CLIP1: variants seen among roughly 807,000 people sequenced by gnomAD.
CLIP1 encodes CAP-Gly domain containing linker protein 1.
CLIP1 carries 66 observed loss-of-function variants against 161.6 expected under a neutral mutation model. The ratio of observed to expected loss-of-function variants is 0.41; its 90% confidence interval spans 0.33 to 0.50. The LOEUF is 0.50. Ranked by LOEUF, CLIP1 falls within the 20% of genes least tolerant of loss-of-function variation. The pLI is 0.27. For synonymous variants in CLIP1, 598 were observed against 626.2 expected (o/e 0.96, Z 0.67); for missense variants, 1,376 against 1,702.0 (o/e 0.81, Z 3.37).
intron 17 of CLIP1, among the ~76,000 whole-genome samples, chr12:122,324,844 T>C (rs1470678038): frequency 6.6e-6 from 1 of 152,144 alleles, no homozygotes; most frequent in Non-Finnish European, 1.5e-5. Context: ...AACTACTGCC[T>C]TCCAAACTCA....
chr12:122,385,213 G>A (rs528701927), intron 1 of CLIP1, among the ~76,000 whole-genome samples: 5 of 152,216 alleles, frequency 3.3e-5, no homozygotes, highest in East Asian at 3.9e-4. Flanking sequence ...TTACAGGCGT[G>A]AGACACCGCA....
chr12:122,286,773 C>T (rs974552794), intron 21 of CLIP1, among the ~76,000 whole-genome samples: 5 of 151,464 alleles, frequency 3.3e-5, no homozygotes, highest in East Asian at 3.9e-4. Context: ...CTGAGGCAGG[C>T]GGATCACGAC....
chr12:122,368,025 A>G (rs182076706), intron 3 of CLIP1, among the ~76,000 whole-genome samples: 4 of 152,222 alleles, frequency 2.6e-5, no homozygotes, highest in African/African-American at 9.6e-5. Context: ...GCAAACACAA[A>G]CAAGCCCAAT....
At chr12:122,333,491 G>A (rs1201134231) in intron 14 of CLIP1, among the ~76,000 whole-genome samples, 5 of 152,156 alleles carry the variant, frequency 3.3e-5, no homozygotes, top group African/African-American at 7.2e-5. Flanking sequence ...CACCCACCAC[G>A]TCTGAGCACC....
intron 21 of CLIP1, chr12:122,280,553 T>C (rs1052733906): frequency 1.3e-5 from 2 of 152,198 alleles, no homozygotes; most frequent in Non-Finnish European, 2.9e-5. Context: ...TGGTGAAATC[T>C]GAATGAAGTC....
Position 122,319,283 on chromosome 12 carries a change from A to G in CLIP1, c.3315T>C (p.Thr1105=), listed in dbSNP as rs1429177949. The G allele has an allele frequency of 1.2e-6, 2 of 1,614,182 alleles. No homozygotes were observed. Among genetic ancestry groups the G allele is most frequent in the Admixed American group, 1.7e-5 (1 of 60,030 alleles). ...MEQMTKEKTE[T]LASLEDTKQT... Reference sequence around the variant, plus strand: ...GCTTGGTGTCCTCCAAGGAGGCCAGAGTCTCAGTCTTCTCTTTGGTCATCT... The same window carrying G: ...GCTTGGTGTCCTCCAAGGAGGCCAGGGTCTCAGTCTTCTCTTTGGTCATCT... The change falls in exon 18 of 26, where the codon ACT becomes ACC. Residue 1105 remains threonine (T), a synonymous_variant. Transcript: ENST00000620786.
intron 8 of CLIP1, among the ~76,000 whole-genome samples, chr12:122,352,246 G>A (rs1055051319): frequency 6.0e-5 from 9 of 151,060 alleles, no homozygotes; most frequent in African/African-American, 1.2e-4. Flanking sequence ...TAGTAGAGAC[G>A]GGGTCTCACC....
In CLIP1 at chr12:122,319,080, CTTTA is replaced by C. The variant is rs1281998670; in HGVS notation, c.3366+148_3366+151del. The C allele has an allele frequency of 1.3e-5, 8 of 605,350 alleles. No homozygotes were observed. The Admixed American group carries it at 2.0e-4, about 15-fold the overall frequency. The allele number at this position is 605,350 out of a possible 1,614,324, so 37.5% of individuals were successfully genotyped here. On this transcript the variant is annotated intron_variant, in intron 18 of 25. Coordinates refer to ENST00000620786, the MANE Select transcript of CLIP1 (RefSeq NM_001247997.2). ...TCCTAATAAGTAATGAAGTGATACA[CTTTA>C]TTTAAGATTATCGTGGCTCTGGCAT...
intron 14 of CLIP1, among the ~76,000 whole-genome samples, chr12:122,333,737 A>C (rs1593092607): frequency 6.6e-6 from 1 of 152,214 alleles, no homozygotes; most frequent in South Asian, 2.1e-4. Context: ...AGTGAGCCCC[A>C]AGGGTCAGCT....
chr12:122,341,112 T>C lies in CLIP1; in HGVS notation c.2092A>G (p.Lys698Glu), dbSNP rs889082322. Residue 698 changes from lysine (K) to glutamate (E), a missense_variant, in exon 11 of 26, where the codon AAA (lysine) becomes GAA (glutamate). This residue lies in a region of CLIP1 where 948 missense variants were observed against 1,134.8 expected (regional missense o/e 0.84). Coordinates refer to ENST00000620786, the MANE Select transcript of CLIP1 (RefSeq NM_001247997.2). Reference sequence around the variant, plus strand: ...TTTTCTTTAATAACTTTCATCAGTTTAGCCCTCAAGGCTTCCATCTCTTTA... The same window carrying C: ...TTTTCTTTAATAACTTTCATCAGTTCAGCCCTCAAGGCTTCCATCTCTTTA... ...HAKEMEALRAKLMKVIKEKEN... is the reference protein window; with the variant it reads ...HAKEMEALRAELMKVIKEKEN... The C allele has an allele frequency of 1.2e-6, 2 of 1,614,030 alleles. No homozygotes were observed. Among genetic ancestry groups the C allele is most frequent in the Admixed American group, 3.3e-5 (2 of 59,976 alleles).
chr12:122,387,567 T>C (rs1955346516), intron 1 of CLIP1, among the ~76,000 whole-genome samples: 1 of 21,220 alleles, frequency 4.7e-5, no homozygotes, highest in African/African-American at 1.4e-4. Context: ...TATATATATA[T>C]ATATATATAT....
intron 1 of CLIP1, among the ~76,000 whole-genome samples, chr12:122,391,006 C>T (rs911827906): frequency 1.2e-4 from 18 of 152,096 alleles, no homozygotes; most frequent in African/African-American, 4.1e-4. Flanking sequence ...TTTACACTTC[C>T]GGCTCGGTGT....
At chr12:122,332,414 CCTTTT>C (rs1952020906) in intron 15 of CLIP1, among the ~76,000 whole-genome samples, 1 of 151,724 alleles carries the variant, frequency 6.6e-6, no homozygotes, top group Non-Finnish European at 1.5e-5. Flanking sequence ...TAAACTACTA[CCTTTT>C]CTTTTTTCTT....
chr12:122,413,760 C>G, intron 1 of CLIP1, among the ~76,000 whole-genome samples: 1 of 151,862 alleles, frequency 6.6e-6, no homozygotes, highest in East Asian at 1.9e-4. Context: ...TGAAAGCATA[C>G]TTTTAAGATT....
At chr12:122,374,516 C>A (rs780495289) in intron 3 of CLIP1, among the ~76,000 whole-genome samples, 1 of 151,874 alleles carries the variant, frequency 6.6e-6, no homozygotes, top group African/African-American at 2.4e-5. Context: ...GTAATCCCAG[C>A]ACTTTGGGAG....
At chr12:122,333,771 T>C (rs924786223) in intron 14 of CLIP1, among the ~76,000 whole-genome samples, 2 of 152,210 alleles carry the variant, frequency 1.3e-5, no homozygotes, top group Admixed American at 6.5e-5. Flanking sequence ...AGATGAAAGA[T>C]GGCCGTTGGC....
intron 1 of CLIP1, among the ~76,000 whole-genome samples, chr12:122,407,180 C>CA (rs1956355430): frequency 6.6e-6 from 1 of 152,072 alleles, no homozygotes; most frequent in Non-Finnish European, 1.5e-5. Context: ...CTTAATATAG[C>CA]ATCATAAAAT....
intron 1 of CLIP1, among the ~76,000 whole-genome samples, chr12:122,404,887 G>A (rs1212337487): frequency 9.7e-5 from 14 of 143,612 alleles, no homozygotes; most frequent in African/African-American, 2.8e-4. Flanking sequence ...GTGACAGAGC[G>A]AGACTCCATC....
intron 21 of CLIP1, among the ~76,000 whole-genome samples, chr12:122,285,228 CTTTTTT>C (rs56813970): frequency 6.6e-5 from 9 of 136,540 alleles, no homozygotes; most frequent in Non-Finnish European, 1.4e-4. Context: ...GATACCAGTC[CTTTTTT>C]TTTTTTTTTT....
Sources: gnomAD v4.1 joint callset for allele counts (sites outside exome capture counted in the v4.1 genomes callset) on GRCh38, gnomAD v4.1.1 for gene constraint, gnomAD v4.1.1 regional missense constraint, MANE v1.5 for transcripts, NCBI Gene and HGNC (gene_info 2026-07-23, HGNC 2026-07-21) for gene names.